Variants in KCTD3 observed in about 807,000 individuals in gnomAD.
The protein encoded by KCTD3 is potassium channel tetramerization domain containing 3, also known as BTB/POZ domain-containing protein KCTD3.
A neutral mutation model predicts 85.8 loss-of-function variants in KCTD3; 41 were observed. The ratio of observed to expected loss-of-function variants is 0.48; its 90% CI spans 0.37 to 0.62. The LOEUF is 0.62. KCTD3 is among the 20% of genes least tolerant of loss of function. The pLI is 0.00. For synonymous variants in KCTD3, 338 were observed against 345.4 expected, an observed-to-expected ratio of 0.98 and a Z score of 0.24; for missense variants, 724 against 989.9, an observed-to-expected ratio of 0.73 and a Z score of 3.60.
Position 215,620,341 on chromosome 1 carries a change from GT to G in KCTD3, c.2172del (p.Ser724ArgfsTer8), listed in dbSNP as rs1558248901. On this transcript the variant is annotated frameshift_variant, in exon 18 of 18. Transcript: ENST00000259154. LOFTEE classifies it low-confidence loss of function (END_TRUNC). ...VEIKSLRELD[S>X]GLEVHKIAEG... Reference sequence around the variant, plus strand: ...ATAAAAAGTTTGAGAGAATTGGATAGTGGATTGGAAGTGCATAAAATAGCTG... The same window carrying G: ...ATAAAAAGTTTGAGAGAATTGGATAGGGATTGGAAGTGCATAAAATAGCTG... The G allele has an allele frequency of 6.2e-7, 1 of 1,613,970 alleles. No individual in the cohort carries two copies.
rs527376473 is a variant in KCTD3, at chr1:215,583,604, A to G, written c.627-2891A>G. On this transcript the variant is annotated intron_variant, in intron 8 of 17. Transcript: ENST00000259154. ...TAACCTCCTGGGAATGCAGCCCAGCAGGTCTCAGCCTTATTTTACTCAGTC... is the reference window on the plus strand; with the variant it reads ...TAACCTCCTGGGAATGCAGCCCAGCGGGTCTCAGCCTTATTTTACTCAGTC... Among the ~76,000 whole-genome samples, 41 of 152,246 alleles carry G rather than the reference A, an allele frequency of 2.7e-4. No homozygotes were observed. The South Asian group carries it at 4.8e-3, about 18-fold the overall frequency.
intron 10 of KCTD3, among the ~76,000 whole-genome samples, chr1:215,598,376 CT>C (rs963255554): frequency 3.3e-5 from 5 of 152,126 alleles, no homozygotes; most frequent in African/African-American, 1.2e-4. Context: ...AGCACAAAGA[CT>C]TGCCTTTGTT....
chr1:215,573,266 G>A (rs189232992), intron 1 of KCTD3, among the ~76,000 whole-genome samples: 1 of 152,172 alleles, frequency 6.6e-6, no homozygotes, highest in East Asian at 1.9e-4. Flanking sequence ...TACAGGGAAG[G>A]TAAAACCTGA....
intron 9 of KCTD3, among the ~76,000 whole-genome samples, chr1:215,588,664 T>C (rs1488130281): frequency 1.3e-5 from 2 of 152,150 alleles, no homozygotes; most frequent in Admixed American, 6.5e-5. Context: ...CTTCCTGTGT[T>C]TGTAGCTATG....
intron 15 of KCTD3, 107 bp downstream of exon 15, chr1:215,612,028 T>G: frequency 1.4e-6 from 1 of 710,580 alleles, no homozygotes; most frequent in African/African-American, 1.8e-5. Flanking sequence ...AGAAACAAAT[T>G]GTTGGGACAG....
intron 14 of KCTD3, among the ~76,000 whole-genome samples, chr1:215,610,272 A>G (rs959340141): frequency 2.0e-5 from 3 of 151,950 alleles, no homozygotes; most frequent in Non-Finnish European, 1.5e-5. Flanking sequence ...GGGAAGTTCA[A>G]AGGTCATATT....
chr1:215,569,844 A>G lies in KCTD3; in HGVS notation c.83+2076A>G, dbSNP rs548020300. Among the ~76,000 whole-genome samples the G allele has an allele frequency of 1.2e-3, 185 of 152,348 alleles. 3 individuals carry two copies. The highest frequency in any genetic ancestry group is 4.2e-3 in the African/African-American group (175 of 41,574). ...CATATATTACTGGTTTGAACAGTTTACAAGACATGAAATTGTTAGTGGGAA... is the reference window on the plus strand; with the variant it reads ...CATATATTACTGGTTTGAACAGTTTGCAAGACATGAAATTGTTAGTGGGAA... On this transcript the variant is annotated intron_variant, in intron 1 of 17. Transcript: ENST00000259154.
intron 15 of KCTD3, chr1:215,618,246 C>A (rs75215822): frequency 0.012 from 4,170 of 359,640 alleles, 147 homozygotes; most frequent in South Asian, 0.066. Flanking sequence ...AAACCTTGAG[C>A]TCAAGAATGA....
intron 13 of KCTD3, among the ~76,000 whole-genome samples, chr1:215,606,716 C>T (rs913765184): frequency 1.3e-5 from 2 of 151,908 alleles, no homozygotes; most frequent in African/African-American, 4.8e-5. Flanking sequence ...GAGAAATATC[C>T]TTTTTAACAA....
intron 2 of KCTD3, 83 bp from the exon 3 acceptor site, chr1:215,573,990 G>A: frequency 9.3e-7 from 1 of 1,079,816 alleles, no homozygotes; most frequent in Non-Finnish European, 1.4e-6. Flanking sequence ...ACTTTTAGTG[G>A]TCTTTAACAT....
chr1:215,612,086 T>C (rs1176075656), intron 15 of KCTD3, among the ~76,000 whole-genome samples, 165 bp downstream of exon 15: 1 of 152,192 alleles, frequency 6.6e-6, no homozygotes, highest in East Asian at 1.9e-4. Flanking sequence ...CAGTAGACTT[T>C]ATGCTTACTT....
intron 1 of KCTD3, among the ~76,000 whole-genome samples, chr1:215,571,428 A>G (rs1398494418): frequency 6.6e-6 from 1 of 152,248 alleles, no homozygotes; most frequent in African/African-American, 2.4e-5. Context: ...GGAACTGCTT[A>G]TAAACACCTA....
At chr1:215,594,807 C>A (rs1292103302) in intron 9 of KCTD3, among the ~76,000 whole-genome samples, 2 of 151,932 alleles carry the variant, frequency 1.3e-5, no homozygotes, top group East Asian at 1.9e-4. Context: ...AGTAAAAGGC[C>A]CGAATGTTTG....
At chr1:215,613,939 C>G (rs1655328099) in intron 15 of KCTD3, among the ~76,000 whole-genome samples, 1 of 146,482 alleles carries the variant, frequency 6.8e-6, no homozygotes, top group South Asian at 2.1e-4. Flanking sequence ...TGTGACGTCT[C>G]TGGCTTTGTT....
At chr1:215,603,514 A>G (rs1308237159) in intron 12 of KCTD3, among the ~76,000 whole-genome samples, 1 of 152,308 alleles carries the variant, frequency 6.6e-6, no homozygotes, top group Admixed American at 6.5e-5. Context: ...ACATATTTTA[A>G]GTATGATGTA....
chr1:215,581,203 A>G (rs1659808798), intron 8 of KCTD3: 1 of 195,536 alleles, frequency 5.1e-6, no homozygotes, highest in Non-Finnish European at 1.1e-5. Context: ...CTGATAGCTC[A>G]CCATTGTACT....
Position 215,567,718 on chromosome 1 carries a change from G to A in KCTD3, c.33G>A (p.Ala11=), listed in dbSNP as rs1218407264. 1 of 1,242,764 alleles carries A rather than the reference G, an allele frequency of 8.0e-7. No homozygotes were observed. The allele number at this position is 1,242,764 out of a possible 1,614,324, so 77.0% of individuals were successfully genotyped here. Residue 11 remains alanine (A), a synonymous_variant, in exon 1 of 18, where the codon GCG becomes GCA. Transcript: ENST00000259154. ...GAGGGCACTGCGGCAGCTTCCCCGC[G>A]GCGGCGGCCGGCAGCGGCGAGATCG... MAGGHCGSFP[A]AAAGSGEIVQ... is the part of the protein sequence containing the mutation.
intron 15 of KCTD3, among the ~76,000 whole-genome samples, chr1:215,615,808 A>G (rs1655422704): frequency 6.6e-6 from 1 of 152,204 alleles, no homozygotes; most frequent in Non-Finnish European, 1.5e-5. Context: ...ACCCAAAGAC[A>G]CAAGGAAAAG....
chr1:215,619,036 T>C lies in KCTD3; in HGVS notation c.1713T>C (p.Thr571=). The C allele has an allele frequency of 6.2e-7, 1 of 1,613,516 alleles. No homozygotes were observed. The highest frequency in any genetic ancestry group is 8.5e-7 in the Non-Finnish European group (1 of 1,179,836). ...GTATTCAAATGTGGGATCTGACCAC[T>C]GCTATGGATATGGTTAACAAAAGTG... ...NGSIQMWDLT[T]AMDMVNKSED... is the part of the protein sequence containing the mutation. The change falls in exon 16 of 18, where the codon ACT becomes ACC. Residue 571 remains threonine (T), a synonymous_variant. Transcript: ENST00000259154.
Sources: gnomAD v4.1 joint callset for allele counts (sites outside exome capture counted in the v4.1 genomes callset) on GRCh38, gnomAD v4.1.1 for gene constraint, MANE v1.5 for transcripts, NCBI Gene and HGNC (gene_info 2026-07-23, HGNC 2026-07-21) for gene names.